Variants in CENPW observed in about 807,000 individuals in gnomAD.
CENPW encodes centromere protein W.
CENPW carries 3 observed loss-of-function variants against 11.1 expected under a neutral mutation model. That is an observed-to-expected ratio of 0.27 (90% CI 0.12 to 0.70). The LOEUF (loss-of-function observed/expected upper bound fraction) is 0.70. CENPW is among the 30% of genes least tolerant of loss of function. The probability of loss-of-function intolerance (pLI) is 0.77; values close to 1 mark genes in which losing one functional copy is unlikely to be tolerated. For missense variants in CENPW, 100 were observed against 105.6 expected (o/e 0.95, Z 0.23); for synonymous variants, 38 against 42.0 (o/e 0.91, Z 0.37).
At chr6:126,373,257 A>AT in the CENPW span, among the ~76,000 whole-genome samples, 6 of 152,182 alleles carry the variant, frequency 3.9e-5, no homozygotes, top group Non-Finnish European at 8.8e-5. Flanking sequence ...ATAATGTACT[A>AT]TTTTTAACAC....
the CENPW span, among the ~76,000 whole-genome samples, chr6:126,390,407 T>A: frequency 6.6e-6 from 1 of 151,950 alleles, no homozygotes; most frequent in Admixed American, 6.6e-5. Flanking sequence ...CAATGCACAA[T>A]AATAACACAA....
At chr6:126,387,638 G>T in the CENPW span, among the ~76,000 whole-genome samples, 1 of 151,934 alleles carries the variant, frequency 6.6e-6, no homozygotes, top group Non-Finnish European at 1.5e-5. Flanking sequence ...ATTTGTTTCA[G>T]CAAGGGGTTA....
chr6:126,431,612 C>A, the CENPW span, among the ~76,000 whole-genome samples: 1 of 152,184 alleles, frequency 6.6e-6, no homozygotes, highest in Non-Finnish European at 1.5e-5. Context: ...TTCTAACACA[C>A]TACTTGCTGT....
At chr6:126,466,303 G>C in the CENPW span, among the ~76,000 whole-genome samples, 1 of 151,956 alleles carries the variant, frequency 6.6e-6, no homozygotes, top group Non-Finnish European at 1.5e-5. Flanking sequence ...AAATCACTGG[G>C]GTCTATAAAA....
At chr6:126,451,503 C>T in the CENPW span, among the ~76,000 whole-genome samples, 1 of 151,098 alleles carries the variant, frequency 6.6e-6, no homozygotes, top group Non-Finnish European at 1.5e-5. Context: ...ACTTCTTAAT[C>T]TCAGAAAGAT....
chr6:126,353,052 A>G (rs1780509789), downstream of CENPW, among the ~76,000 whole-genome samples: 1 of 152,066 alleles, frequency 6.6e-6, no homozygotes, highest in African/African-American at 2.4e-5. Context: ...AATGCCATTT[A>G]CTTGCTGCCT....
the CENPW span, among the ~76,000 whole-genome samples, chr6:126,365,638 G>A: frequency 1.3e-5 from 2 of 152,262 alleles, no homozygotes; most frequent in Non-Finnish European, 2.9e-5. Flanking sequence ...GGACACAGAA[G>A]CAGACCATAG....
chr6:126,442,135 T>C, the CENPW span, among the ~76,000 whole-genome samples: 13 of 151,670 alleles, frequency 8.6e-5, 1 homozygote, highest in Middle Eastern at 3.4e-3. Context: ...ATTTTTTGGT[T>C]ATGGCCACTC....
chr6:126,448,797 A>G, the CENPW span, among the ~76,000 whole-genome samples: 1 of 151,240 alleles, frequency 6.6e-6, no homozygotes, highest in South Asian at 2.1e-4. Flanking sequence ...CGACAAAAGA[A>G]ATAAACCAAA....
chr6:126,387,026 T>C, the CENPW span, among the ~76,000 whole-genome samples: 9 of 151,980 alleles, frequency 5.9e-5, no homozygotes, highest in African/African-American at 1.7e-4. Flanking sequence ...GTGATTTATT[T>C]AGAGAAACTA....
At chr6:126,414,697 C>T in the CENPW span, among the ~76,000 whole-genome samples, 43 of 151,214 alleles carry the variant, frequency 2.8e-4, no homozygotes, top group South Asian at 4.0e-3. Context: ...AGTAAATGAC[C>T]GAATGATGCA....
At chr6:126,472,363 T>C in the CENPW span, among the ~76,000 whole-genome samples, 1 of 152,214 alleles carries the variant, frequency 6.6e-6, no homozygotes, top group East Asian at 1.9e-4. Flanking sequence ...TCTGTCACTG[T>C]AGATGAAATT....
At chr6:126,464,020 T>G in the CENPW span, among the ~76,000 whole-genome samples, 2 of 152,116 alleles carry the variant, frequency 1.3e-5, no homozygotes, top group East Asian at 3.9e-4. Flanking sequence ...GAAAAAAAAC[T>G]ACATATTGAT....
the CENPW span, among the ~76,000 whole-genome samples, chr6:126,471,851 C>T: frequency 3.3e-5 from 5 of 152,124 alleles, no homozygotes; most frequent in Non-Finnish European, 5.9e-5. Context: ...GTGCTCATCA[C>T]ATGGGTGTGT....
chr6:126,424,010 G>C, the CENPW span, among the ~76,000 whole-genome samples: 2 of 151,814 alleles, frequency 1.3e-5, no homozygotes, highest in East Asian at 3.9e-4. Flanking sequence ...TTTTATAGAA[G>C]AAAATTACAT....
At chr6:126,415,111 T>C in the CENPW span, among the ~76,000 whole-genome samples, 1 of 152,068 alleles carries the variant, frequency 6.6e-6, no homozygotes, top group African/African-American at 2.4e-5. Context: ...AATCTCCCAC[T>C]TCAGTGTGCA....
At chr6:126,419,763 G>A in the CENPW span, among the ~76,000 whole-genome samples, 1 of 152,058 alleles carries the variant, frequency 6.6e-6, no homozygotes, top group South Asian at 2.1e-4. Context: ...TGTATTCTTT[G>A]GCTTGTGGTC....
At chr6:126,372,709 T>A in the CENPW span, among the ~76,000 whole-genome samples, 25 of 152,310 alleles carry the variant, frequency 1.6e-4, no homozygotes, top group South Asian at 5.0e-3. Context: ...GAAATATTTT[T>A]TGAACAAGCC....
At chr6:126,440,400 A>G in the CENPW span, among the ~76,000 whole-genome samples, 1 of 151,662 alleles carries the variant, frequency 6.6e-6, no homozygotes, top group Non-Finnish European at 1.5e-5. Context: ...TGCCACTAGG[A>G]GTTATTATTT....
Sources: gnomAD v4.1 joint callset for allele counts (sites outside exome capture counted in the v4.1 genomes callset) on GRCh38, gnomAD v4.1.1 for gene constraint, MANE v1.5 for transcripts, NCBI Gene and HGNC (gene_info 2026-07-23, HGNC 2026-07-21) for gene names.